The following SACS variants were observed in gnomAD, a reference collection of about 807,000 sequenced individuals.
SACS encodes sacsin molecular chaperone.
In SACS, 197 loss-of-function variants were observed where a neutral mutation model predicts 348.0. The ratio of observed to expected loss-of-function variants is 0.57; its 90% CI spans 0.50 to 0.64. The LOEUF (loss-of-function observed/expected upper bound fraction) is 0.64. Among genes scored for constraint, SACS ranks in the 30% least tolerant of loss-of-function variants. SACS has a pLI of 0.00. For missense variants in SACS, 4,999 were observed against 5,360.8 expected (o/e 0.93, Z 2.11); for synonymous variants, 1,985 against 1,910.6 (o/e 1.04, Z -1.02).
At position 23,380,018 on chromosome 13, in the gene SACS, G is replaced by A. The variant is rs1236921805; in HGVS notation, c.21-4749C>T. Among the ~76,000 whole-genome samples the A allele has an allele frequency of 2.0e-5, 3 of 152,064 alleles. No homozygotes were observed. The East Asian group carries it at 5.8e-4, about 29-fold the overall frequency. On this transcript the variant is annotated intron_variant, in intron 2 of 9. Coordinates refer to ENST00000382292, the MANE Select transcript of SACS (RefSeq NM_014363.6). Reference sequence around the variant, plus strand: ...GCTCAGCTCCCAGCCTGATCTACCTGTCACATGACATCGTTGATTCTTCCC... The same window carrying A: ...GCTCAGCTCCCAGCCTGATCTACCTATCACATGACATCGTTGATTCTTCCC...
intron 1 of SACS, chr13:23,428,844 G>A (rs1874302049): frequency 2.0e-5 from 3 of 152,296 alleles, no homozygotes; most frequent in East Asian, 1.9e-4. Context: ...GATACAGAAA[G>A]TATTCAATAA....
chr13:23,341,225 G>A lies in SACS; in HGVS notation c.2651C>T (p.Pro884Leu). 6.2e-7 allele frequency: 1 copy of A among 1,614,002 alleles called. No individual in the cohort carries two copies. The highest frequency in any genetic ancestry group is 1.1e-5 in the South Asian group (1 of 91,076). ...TATTTGATTACACAATTTCTGCAAT[G>A]GCATCTTCTCCATTATCTGCAAAAC... The part of the protein sequence containing the change: ...SAVLQIMEKM[P>L]LQKLCNQITS... The change falls in exon 10 of 10, where the codon CCA (proline) becomes CTA (leucine). Residue 884 changes from proline to leucine, a missense_variant. Physicochemically the swap from Pro to Leu is moderately conservative, Grantham distance 98. Around this residue, in one of 6 missense-constraint regions of SACS, gnomAD observed 3,156 missense variants for 3,380.1 expected, o/e 0.93. Transcript: ENST00000382292.
At chr13:23,422,405 A>C (rs1309311665) in intron 1 of SACS, among the ~76,000 whole-genome samples, 1 of 152,234 alleles carries the variant, frequency 6.6e-6, no homozygotes. Context: ...AGAGGCTGTT[A>C]GGCCCACATG....
intron 1 of SACS, among the ~76,000 whole-genome samples, chr13:23,425,967 T>C (rs781541418): frequency 2.0e-5 from 3 of 152,108 alleles, no homozygotes; most frequent in Non-Finnish European, 4.4e-5. Context: ...ATTTTAGATT[T>C]GTTAAAGTGA....
chr13:23,395,274 C>CCTTCTCAAG (rs1004034984), intron 2 of SACS, among the ~76,000 whole-genome samples: 7 of 152,288 alleles, frequency 4.6e-5, no homozygotes, highest in African/African-American at 1.7e-4. Context: ...CTGAAACCCC[C>CCTTCTCAAG]CTTCTCAAGC....
intron 2 of SACS, among the ~76,000 whole-genome samples, chr13:23,400,264 C>A (rs988266072): frequency 1.3e-5 from 2 of 152,086 alleles, no homozygotes; most frequent in African/African-American, 2.4e-5. Flanking sequence ...CAGAGTGAGA[C>A]TGAATTGTAA....
At chr13:23,341,915 T>C (rs1415190172) in intron 9 of SACS, among the ~76,000 whole-genome samples, 2 of 150,526 alleles carry the variant, frequency 1.3e-5, no homozygotes, top group East Asian at 4.0e-4. Flanking sequence ...GCCTCCCGAG[T>C]AGCTGGGACT....
At chr13:23,412,994 T>G (rs896715060) in intron 1 of SACS, among the ~76,000 whole-genome samples, 1 of 152,330 alleles carries the variant, frequency 6.6e-6, no homozygotes, top group Admixed American at 6.5e-5. Flanking sequence ...TTTTGTTTTT[T>G]GAGAAGGAGT....
intron 6 of SACS, among the ~76,000 whole-genome samples, chr13:23,364,084 T>G (rs1422490883): frequency 1.3e-5 from 2 of 152,160 alleles, no homozygotes; most frequent in Non-Finnish European, 2.9e-5. Context: ...ACACCTCTTT[T>G]TATAGAGTAT....
Position 23,339,763 on chromosome 13 carries a change from A to T in SACS, c.4113T>A (p.Ile1371=), listed in dbSNP as rs1395418477. ...GAACTGGTGTGTTGGGGCTTGCTGG[A>T]ATCTGATTGCTATACAGCCATCTGA... ...NIIRWLYSNQ[I]PASPNTPVPI... Residue 1371 remains isoleucine, a synonymous_variant, in exon 10 of 10, where the codon ATT becomes ATA. Transcript: ENST00000382292. 1.9e-6 allele frequency: 3 copies of T among 1,614,118 alleles called. No homozygotes were observed. Among genetic ancestry groups the T allele is most frequent in the Non-Finnish European group, 2.5e-6 (3 of 1,179,980 alleles).
chr13:23,406,190 C>T (rs1375275452), intron 2 of SACS, among the ~76,000 whole-genome samples: 1 of 152,158 alleles, frequency 6.6e-6, no homozygotes, highest in African/African-American at 2.4e-5. Context: ...CAATGGAATA[C>T]TATGCAGCCA....
rs1555251573 is a variant in SACS, at chr13:23,336,794, AAAG to A, written c.7079_7081del (p.Ser2360del). On this transcript the variant is annotated inframe_deletion, in exon 10 of 10. Transcript: ENST00000382292. ...TGGTGCCGCCTCAAAATTTAAATGA[AAAG>A]AAACCTTTTCTGAGTCAACATATGC... 2 of 1,613,896 alleles carry A rather than the reference AAAG, an allele frequency of 1.2e-6. No homozygotes were observed. Among genetic ancestry groups the A allele is most frequent in the Non-Finnish European group, 1.7e-6 (2 of 1,179,850 alleles).
rs533815476 is a variant in SACS, at chr13:23,345,172, T to C, written c.2186-3482A>G. On this transcript the variant is annotated intron_variant, in intron 9 of 9. Coordinates refer to ENST00000382292, the MANE Select transcript of SACS (RefSeq NM_014363.6). ...AAGAGGCACTGGCAGCTTGCGTAGC[T>C]GATGAGTTCTAACAATGCCCTACTG... Among the ~76,000 whole-genome samples, 350 of 152,342 alleles carry C rather than the reference T, an allele frequency of 2.3e-3. 2 individuals are homozygous for C. The highest frequency in any genetic ancestry group is 8.1e-3 in the African/African-American group (337 of 41,582).
intron 2 of SACS, among the ~76,000 whole-genome samples, chr13:23,378,437 C>G (rs957455034): frequency 6.6e-6 from 1 of 152,120 alleles, no homozygotes; most frequent in African/African-American, 2.4e-5. Context: ...GTTCCTCTTA[C>G]GTCGATCACC....
At chr13:23,389,425 A>G (rs1339440613) in intron 2 of SACS, among the ~76,000 whole-genome samples, 1 of 152,232 alleles carries the variant, frequency 6.6e-6, no homozygotes, top group Non-Finnish European at 1.5e-5. Context: ...ATATATTAGT[A>G]ACATGTGGAT....
At position 23,333,806 on chromosome 13, in the gene SACS, C is replaced by A; in HGVS notation, c.10070G>T (p.Ser3357Ile). 1 of 1,613,798 alleles carries A rather than the reference C, an allele frequency of 6.2e-7. No individual in the cohort carries two copies. The highest frequency in any genetic ancestry group is 8.5e-7 in the Non-Finnish European group (1 of 1,179,806). The change falls in exon 10 of 10, where the codon AGC (serine) becomes ATC (isoleucine). Residue 3357 changes from serine to isoleucine, a missense_variant. Around this residue, in one of 6 missense-constraint regions of SACS, gnomAD observed 734 missense variants for 694.0 expected, o/e 1.06. Coordinates refer to ENST00000382292, the MANE Select transcript of SACS (RefSeq NM_014363.6). ...TAGAGCCTTCAAGATGCTTGTGGGG[C>A]TCTCTATATTTGCTGTGTGACATGA... is the stretch of plus-strand genomic sequence containing the variant. ...LLSCHTANIE[S>I]PTSILKALHY...
intron 2 of SACS, among the ~76,000 whole-genome samples, chr13:23,393,751 CTTTTTTTTAT>C (rs1263719160): frequency 1.8e-4 from 28 of 151,744 alleles, no homozygotes; most frequent in South Asian, 2.1e-4. Context: ...TCTTGGTATT[CTTTTTTTTAT>C]TTTTTTTTAT....
intron 1 of SACS, chr13:23,427,719 G>A (rs751481600): frequency 1.3e-5 from 2 of 152,284 alleles, no homozygotes; most frequent in Admixed American, 6.5e-5. Flanking sequence ...GGCAGGAGAA[G>A]AGTGTGGGAA....
At position 23,337,710 on chromosome 13, in the gene SACS, A is replaced by G; in HGVS notation, c.6166T>C (p.Phe2056Leu). 3 of 1,613,084 alleles carry G rather than the reference A, an allele frequency of 1.9e-6. No individual in the cohort carries two copies. Among genetic ancestry groups the G allele is most frequent in the Non-Finnish European group, 2.5e-6 (3 of 1,179,792 alleles). The change falls in exon 10 of 10, where the codon TTT becomes CTT. Residue 2056 changes from phenylalanine to leucine, a missense_variant. Transcript: ENST00000382292. ...LLENTFSEKQ[F>L]FSEVFFPNIQ... ...TTTGGAAAAAACACTTCAGAAAAAAACTGTTTCTCTGAAAATGTGTTTTCA... is the reference window on the plus strand; with the variant it reads ...TTTGGAAAAAACACTTCAGAAAAAAGCTGTTTCTCTGAAAATGTGTTTTCA...
Sources: gnomAD v4.1 joint callset for allele counts (sites outside exome capture counted in the v4.1 genomes callset) on GRCh38, gnomAD v4.1.1 for gene constraint, gnomAD v4.1.1 regional missense constraint, MANE v1.5 for transcripts, NCBI Gene and HGNC (gene_info 2026-07-23, HGNC 2026-07-21) for gene names.